ZNF879: variants seen among roughly 807,000 people sequenced by gnomAD.
ZNF879 encodes zinc finger protein 879.
A neutral mutation model predicts 44.3 loss-of-function variants in ZNF879; 32 were observed. The ratio of observed to expected loss-of-function variants is 0.72; its 90% CI spans 0.54 to 0.97. The LOEUF is 0.97. Ranked by LOEUF, ZNF879 falls within the 50% of genes least tolerant of loss-of-function variation. The probability of loss-of-function intolerance (pLI) is 0.00; values close to 1 mark genes in which losing one functional copy is unlikely to be tolerated. For missense variants in ZNF879, 621 were observed against 669.7 expected, an observed-to-expected ratio of 0.93 and a Z score of 0.80; for synonymous variants, 234 against 233.2, an observed-to-expected ratio of 1.00 and a Z score of -0.03.
intron 2 of ZNF879, among the ~76,000 whole-genome samples, chr5:179,025,916 CAAAAA>C (rs769270094): frequency 8.0e-6 from 1 of 125,640 alleles, no homozygotes; most frequent in African/African-American, 2.9e-5. Flanking sequence ...GACTCCGTCT[CAAAAA>C]AAAAAAAAGC....
intron 3 of ZNF879, 141 bp downstream of exon 3, chr5:179,027,740 G>A (rs983351501): frequency 8.8e-7 from 1 of 1,140,566 alleles, no homozygotes; most frequent in Non-Finnish European, 1.2e-6. Context: ...GTTGTATGGA[G>A]AGACCTTGGC....
At position 179,033,541 on chromosome 5, in the gene ZNF879, G is replaced by A. The variant is rs564471747; in HGVS notation, c.1593G>A (p.Met531Ile). Residue 531 changes from methionine to isoleucine, a missense_variant, in exon 5 of 5, where the codon ATG becomes ATA. By Grantham distance (10) the Met-to-Ile change is conservative (BLOSUM62 1). Coordinates refer to ENST00000444149, the MANE Select transcript of ZNF879 (RefSeq NM_001136116.3). ...AGAGTTCATCCCTTATGACACACAT[G>A]AGAATTCATACAGGGGAAAAACCTT... ...FRQSSSLMTH[M>I]RIHTGEKPYK... 1.9e-6 allele frequency: 3 copies of A among 1,554,274 alleles called. No homozygotes were observed. The highest frequency in any genetic ancestry group is 2.6e-6 in the Non-Finnish European group (3 of 1,148,676).
chr5:179,028,059 T>C lies in ZNF879; in HGVS notation c.188T>C (p.Ile63Thr). Residue 63 changes from isoleucine to threonine, a missense_variant, in exon 4 of 5, where the codon ATC becomes ACC. Coordinates refer to ENST00000444149, the MANE Select transcript of ZNF879 (RefSeq NM_001136116.3). ...LGILFSKPKV[I>T]SQLEQGEDPW... Reference sequence around the variant, plus strand: ...ATTCTCTTTTCCAAGCCAAAGGTCATCTCCCAGTTAGAGCAAGGAGAAGAC... The same window carrying C: ...ATTCTCTTTTCCAAGCCAAAGGTCACCTCCCAGTTAGAGCAAGGAGAAGAC... The C allele has an allele frequency of 1.3e-6, 2 of 1,551,546 alleles. No individual in the cohort carries two copies. Among genetic ancestry groups the C allele is most frequent in the Non-Finnish European group, 1.7e-6 (2 of 1,146,952 alleles).
chr5:179,030,639 A>G (rs554884037), intron 4 of ZNF879, among the ~76,000 whole-genome samples: 1 of 152,340 alleles, frequency 6.6e-6, no homozygotes, highest in South Asian at 2.1e-4. Flanking sequence ...TGTCCCACAT[A>G]TGATAGTGAT....
chr5:179,024,713 G>C (rs1761211278), intron 1 of ZNF879: 1 of 440,654 alleles, frequency 2.3e-6, no homozygotes, highest in Non-Finnish European at 4.1e-6. Context: ...CCCTGTTAAG[G>C]CACGGCAGAT....
rs1032926633 is a variant in ZNF879 at position 179,023,883 on chromosome 5, C to T, written c.-57C>T. On this transcript the variant is annotated 5_prime_UTR_variant, in exon 1 of 5. Transcript: ENST00000444149. Reference sequence around the variant, plus strand: ...CTCTTGTGCGGTGTGGAGCTGCGCGCCCCCCGCCGAGGCGGGCCCAGGTAC... The same window carrying T: ...CTCTTGTGCGGTGTGGAGCTGCGCGTCCCCCGCCGAGGCGGGCCCAGGTAC... The T allele has an allele frequency of 1.0e-4, 16 of 152,396 alleles. No homozygotes were observed. Among genetic ancestry groups the T allele is most frequent in the African/African-American group, 3.6e-4 (15 of 41,458 alleles). The allele number at this position is 152,396 out of a possible 1,614,324, so 9.4% of individuals were successfully genotyped here.
At position 179,032,503 on chromosome 5, in the gene ZNF879, A is replaced by G; in HGVS notation, c.555A>G (p.Ser185=). Residue 185 remains serine (S), a synonymous_variant, in exon 5 of 5, where the codon TCA becomes TCG. Coordinates refer to ENST00000444149, the MANE Select transcript of ZNF879 (RefSeq NM_001136116.3). ...RIVSRGRRPR[S]QQYSVLFKQL... is the part of the protein sequence containing the mutation. ...TTTCCAGAGGAAGGAGACCCCGTTC[A>G]CAGCAGTATTCAGTTCTCTTTAAAC... 1.3e-6 allele frequency: 2 copies of G among 1,551,742 alleles called. No homozygotes were observed. The highest frequency in any genetic ancestry group is 1.7e-6 in the Non-Finnish European group (2 of 1,146,988).
Position 179,032,616 on chromosome 5 carries a change from A to G in ZNF879, c.668A>G (p.Gln223Arg), listed in dbSNP as rs868727641. ...FLHSSSLSKH[Q>R]RIHTGEKLYK... ...CACAGTTCCTCCCTGAGTAAACACCAGAGAATCCACACTGGAGAGAAGCTC... is the reference window on the plus strand; with the variant it reads ...CACAGTTCCTCCCTGAGTAAACACCGGAGAATCCACACTGGAGAGAAGCTC... Residue 223 changes from glutamine (Q) to arginine (R), a missense_variant, in exon 5 of 5, where the codon CAG becomes CGG. Coordinates refer to ENST00000444149, the MANE Select transcript of ZNF879 (RefSeq NM_001136116.3). 14 of 1,565,508 alleles carry G rather than the reference A, an allele frequency of 8.9e-6. 1 individual carries two copies. The Middle Eastern group carries it at 2.2e-3, about 241-fold the overall frequency.
chr5:179,028,046 A>C lies in ZNF879; in HGVS notation c.175A>C (p.Lys59Gln). The change falls in exon 4 of 5, where the codon AAG (lysine) becomes CAG (glutamine). Residue 59 changes from lysine to glutamine, a missense_variant. By Grantham distance (53) the Lys-to-Gln change is moderately conservative (BLOSUM62 1). Transcript: ENST00000444149. ...ILVSLGILFS[K>Q]PKVISQLEQG... ...TTCATGAACAGGGATTCTCTTTTCC[A>C]AGCCAAAGGTCATCTCCCAGTTAGA... 6.4e-7 allele frequency: 1 copy of C among 1,551,466 alleles called. No homozygotes were observed. Among genetic ancestry groups the C allele is most frequent in the Non-Finnish European group, 8.7e-7 (1 of 1,146,926 alleles).
intron 4 of ZNF879, among the ~76,000 whole-genome samples, chr5:179,029,483 A>G (rs1489950389): frequency 6.6e-6 from 1 of 152,216 alleles, no homozygotes; most frequent in Non-Finnish European, 1.5e-5. Context: ...CTAGAAAATA[A>G]ATAGATCTGT....
rs184423043 is a variant in ZNF879, at chr5:179,031,453, A to C, written c.257-752A>C. ...CTGACTGGAATCACCTTTATACCCT[A>C]ATTTTTGTCTGGCCAGCGCTTGTTA... is the stretch of plus-strand genomic sequence containing the variant. On this transcript the variant is annotated intron_variant, in intron 4 of 4. Coordinates refer to ENST00000444149, the MANE Select transcript of ZNF879 (RefSeq NM_001136116.3). 1.8e-3 allele frequency among the ~76,000 whole-genome samples: 272 copies of C among 152,208 alleles called. 1 individual carries two copies. The highest frequency in any genetic ancestry group is 6.2e-3 in the African/African-American group (256 of 41,524).
chr5:179,026,058 C>T (rs1165643943), intron 2 of ZNF879, among the ~76,000 whole-genome samples: 1 of 143,566 alleles, frequency 7.0e-6, no homozygotes, highest in Non-Finnish European at 1.5e-5. Context: ...GCACTCCAGC[C>T]TGGTGACAGA....
Position 179,025,041 on chromosome 5 carries a change from A to AGT in ZNF879, c.33+6_33+7dup. ...GTTGCTGCCAGCCCATGTACAGGTG[A>AGT]GTGAAGGCTTCTTTTTGCTTGAACT... is the stretch of plus-strand genomic sequence containing the variant. On this transcript the variant is annotated splice_donor_region_variant and intron_variant, in intron 2 of 4. Transcript: ENST00000444149. 5 of 1,551,474 alleles carry AGT rather than the reference A, an allele frequency of 3.2e-6. No individual in the cohort carries two copies. The highest frequency in any genetic ancestry group is 4.4e-6 in the Non-Finnish European group (5 of 1,146,858).
At chr5:179,026,522 G>T (rs549704269) in intron 2 of ZNF879, among the ~76,000 whole-genome samples, 2 of 152,040 alleles carry the variant, frequency 1.3e-5, no homozygotes, top group East Asian at 3.9e-4. Context: ...TTACTCTGTT[G>T]CCCAGGCTGG....
Position 179,027,340 on chromosome 5 carries a change from G to T in ZNF879, c.34-133G>T, listed in dbSNP as rs979465135. On this transcript the variant is annotated intron_variant, in intron 2 of 4. Transcript: ENST00000444149. ...CACTCACCATAGGTAAATGATAAAT[G>T]TGTGCTTGGTAACTGAAAAGTTGTC... 1.3e-5 allele frequency: 17 copies of T among 1,274,596 alleles called. No individual in the cohort carries two copies. In the African/African-American group the frequency reaches 2.2e-4, roughly 17 times the overall value. 79.0% of individuals were successfully genotyped at this position (1,274,596 alleles called of 1,614,324 possible). A position where few individuals can be genotyped will look rare whatever the true frequency, so the allele number is the denominator to read the frequency against.
rs146907764 is a variant in ZNF879 at position 179,023,946 on chromosome 5, C to T, written c.-36+42C>T. On this transcript the variant is annotated intron_variant, in intron 1 of 4. Coordinates refer to ENST00000444149, the MANE Select transcript of ZNF879 (RefSeq NM_001136116.3). ...AGGGCGGGCCCGGGGCGTGCGGCTG[C>T]CGCGGCGGGACCAGGACGAGGGCTG... The T allele has an allele frequency of 5.7e-3, 863 of 152,564 alleles. 3 individuals carry two copies. The highest frequency in any genetic ancestry group is 0.01 in the Non-Finnish European group (714 of 68,268). The allele number at this position is 152,564 out of a possible 1,614,324, so 9.5% of individuals were successfully genotyped here. A position where few individuals can be genotyped will look rare whatever the true frequency, so the allele number is the denominator to read the frequency against.
At chr5:179,027,197 G>T (rs1230436867) in intron 2 of ZNF879, among the ~76,000 whole-genome samples, 2 of 152,192 alleles carry the variant, frequency 1.3e-5, no homozygotes, top group Non-Finnish European at 2.9e-5. Flanking sequence ...TTTGGTCTAG[G>T]TGATCGGACG....
At position 179,033,193 on chromosome 5, in the gene ZNF879, C is replaced by T. The variant is rs1360380102; in HGVS notation, c.1245C>T (p.Leu415=). Residue 415 remains leucine, a synonymous_variant, in exon 5 of 5, where the codon CTC becomes CTT. Transcript: ENST00000444149. The stretch of plus-strand genomic sequence containing the variant: ...AAGCCTTCAGCCAAAGCTCAGCTCT[C>T]ATACAACATCAAAGAATTCACACTG... The part of the protein sequence containing the change: ...CGKAFSQSSA[L]IQHQRIHTGE... 1 of 1,594,402 alleles carries T rather than the reference C, an allele frequency of 6.3e-7. No homozygotes were observed. Among genetic ancestry groups the T allele is most frequent in the Non-Finnish European group, 8.5e-7 (1 of 1,170,194 alleles).
chr5:179,032,410 C>T lies in ZNF879; in HGVS notation c.462C>T (p.Ser154=). ...AAAAAGTCTACATGAAGGAGAGGAG[C>T]TTTAAAGGTGTTGAATTTGGGAAAA... ...TIKKVYMKER[S]FKGVEFGKNL... Residue 154 remains serine (S), a synonymous_variant, in exon 5 of 5, where the codon AGC becomes AGT. Transcript: ENST00000444149. 1 of 1,551,484 alleles carries T rather than the reference C, an allele frequency of 6.4e-7. No homozygotes were observed. Among genetic ancestry groups the T allele is most frequent in the Non-Finnish European group, 8.7e-7 (1 of 1,146,918 alleles).
Sources: gnomAD v4.1 joint callset for allele counts (sites outside exome capture counted in the v4.1 genomes callset) on GRCh38, gnomAD v4.1.1 for gene constraint, MANE v1.5 for transcripts, NCBI Gene and HGNC (gene_info 2026-07-23, HGNC 2026-07-21) for gene names.